Variants in LHFPL6 observed in about 807,000 individuals in gnomAD.
LHFPL6 encodes the protein LHFPL tetraspan subfamily member 6 protein.
A neutral mutation model predicts 20.6 loss-of-function variants in LHFPL6; 9 were observed. The ratio of observed to expected loss-of-function variants is 0.44; its 90% CI spans 0.26 to 0.76. LHFPL6 has a LOEUF of 0.76. Ranked by LOEUF, LHFPL6 falls within the 30% of genes least tolerant of loss-of-function variation. The probability of loss-of-function intolerance (pLI) is 0.20; values close to 1 mark genes in which losing one functional copy is unlikely to be tolerated. For missense variants in LHFPL6, 218 were observed against 253.5 expected (o/e 0.86, Z 0.95); for synonymous variants, 105 against 98.7 (o/e 1.06, Z -0.38).
At chr13:39,395,402 G>A (rs1327134135) in intron 2 of LHFPL6, among the ~76,000 whole-genome samples, 1 of 152,148 alleles carries the variant, frequency 6.6e-6, no homozygotes, top group Non-Finnish European at 1.5e-5. Context: ...GTTATCGTTA[G>A]GACTTTTCCC....
intron 2 of LHFPL6, among the ~76,000 whole-genome samples, chr13:39,579,767 G>A (rs1340366215): frequency 1.3e-5 from 2 of 152,134 alleles, no homozygotes; most frequent in African/African-American, 4.8e-5. Context: ...TCACTGGCAA[G>A]TTTCATTTTG....
chr13:39,560,000 C>G (rs59842965), intron 2 of LHFPL6, among the ~76,000 whole-genome samples: 2,624 of 152,262 alleles, frequency 0.017, 72 homozygotes, highest in African/African-American at 0.06. Flanking sequence ...ACAACTGGTG[C>G]AGCATGCCAC....
At chr13:39,448,170 C>T (rs1199347878) in intron 2 of LHFPL6, among the ~76,000 whole-genome samples, 1 of 152,152 alleles carries the variant, frequency 6.6e-6, no homozygotes, top group Non-Finnish European at 1.5e-5. Flanking sequence ...TTTTGGAAGC[C>T]TCACTTTTCA....
intron 2 of LHFPL6, among the ~76,000 whole-genome samples, chr13:39,381,743 A>T (rs996420765): frequency 2.0e-5 from 3 of 152,054 alleles, no homozygotes; most frequent in Non-Finnish European, 4.4e-5. Flanking sequence ...GTTAAAAAAA[A>T]TTCACAAATC....
Position 39,494,628 on chromosome 13 carries a change from C to A in LHFPL6, c.385+106204G>T, listed in dbSNP as rs1055581231. On this transcript the variant is annotated intron_variant, in intron 2 of 3. Transcript: ENST00000379589. ...GTTTCTAGCTAATGTGCAAAATTAT[C>A]CTAATCATGTCAAAGTAAAAGGAAA... 4.6e-5 allele frequency among the ~76,000 whole-genome samples: 7 copies of A among 152,270 alleles called. No individual in the cohort carries two copies. In the East Asian group the frequency reaches 1.4e-3, roughly 29 times the overall value.
At chr13:39,561,918 A>G (rs1871495344) in intron 2 of LHFPL6, among the ~76,000 whole-genome samples, 1 of 152,224 alleles carries the variant, frequency 6.6e-6, no homozygotes. Flanking sequence ...TAGATGAGAA[A>G]ACTGAAGCTA....
chr13:39,349,965 G>A (rs1290658090), intron 3 of LHFPL6, among the ~76,000 whole-genome samples: 1 of 152,194 alleles, frequency 6.6e-6, no homozygotes, highest in Admixed American at 6.5e-5. Context: ...TTCGGAGCTT[G>A]AAGCCTGAAA....
chr13:39,382,374 T>C (rs1271738367), intron 2 of LHFPL6, among the ~76,000 whole-genome samples: 1 of 152,144 alleles, frequency 6.6e-6, no homozygotes, highest in Non-Finnish European at 1.5e-5. Flanking sequence ...CTAGAGTAGG[T>C]TACATTACTT....
At chr13:39,536,032 C>A (rs1870607559) in intron 2 of LHFPL6, among the ~76,000 whole-genome samples, 2 of 152,186 alleles carry the variant, frequency 1.3e-5, no homozygotes, top group African/African-American at 4.8e-5. Context: ...ACACTAACCT[C>A]ACCCCATTCA....
At chr13:39,595,118 AAAATAAAT>A (rs773724604) in intron 2 of LHFPL6, among the ~76,000 whole-genome samples, 2 of 152,092 alleles carry the variant, frequency 1.3e-5, no homozygotes, top group Admixed American at 6.6e-5. Context: ...AAAGTATAAT[AAAATAAAT>A]AAATAAATAA....
At chr13:39,458,177 T>C (rs1168744173) in intron 2 of LHFPL6, among the ~76,000 whole-genome samples, 2 of 151,454 alleles carry the variant, frequency 1.3e-5, no homozygotes, top group Non-Finnish European at 2.9e-5. Flanking sequence ...GAGAAAAGGA[T>C]GGGAGGGGAA....
chr13:39,396,713 T>C (rs1870851707), intron 2 of LHFPL6, among the ~76,000 whole-genome samples: 1 of 152,128 alleles, frequency 6.6e-6, no homozygotes, highest in Non-Finnish European at 1.5e-5. Flanking sequence ...GGAGGATCAC[T>C]TGAGCCAGAT....
intron 2 of LHFPL6, among the ~76,000 whole-genome samples, chr13:39,400,782 CAAAAAAAAAA>C (rs34833321): frequency 5.6e-5 from 3 of 53,494 alleles, no homozygotes; most frequent in Non-Finnish European, 8.9e-5. Context: ...GACTCCGTCT[CAAAAAAAAAA>C]AAAAAAAAAA....
At chr13:39,376,827 T>C (rs951661962) in intron 3 of LHFPL6, among the ~76,000 whole-genome samples, 1 of 152,128 alleles carries the variant, frequency 6.6e-6, no homozygotes, top group Non-Finnish European at 1.5e-5. Flanking sequence ...ATCCATATAG[T>C]AGGGGAAAAT....
At chr13:39,593,758 C>A (rs1027916910) in intron 2 of LHFPL6, among the ~76,000 whole-genome samples, 2 of 150,762 alleles carry the variant, frequency 1.3e-5, no homozygotes, top group Admixed American at 6.6e-5. Flanking sequence ...GTACTGGTAC[C>A]AAAACAGAGA....
chr13:39,598,707 C>T, intron 2 of LHFPL6, among the ~76,000 whole-genome samples: 1 of 152,162 alleles, frequency 6.6e-6, no homozygotes, highest in East Asian at 1.9e-4. Context: ...AGGCGCCCAC[C>T]ACCACGCCTG....
At chr13:39,602,116 CA>C (rs1368047626) in intron 1 of LHFPL6, among the ~76,000 whole-genome samples, 9 of 152,160 alleles carry the variant, frequency 5.9e-5, no homozygotes, top group Admixed American at 5.9e-4. Flanking sequence ...CTAATTTGAA[CA>C]GCAATCCATA....
At chr13:39,537,781 C>T (rs9548801) in intron 2 of LHFPL6, among the ~76,000 whole-genome samples, 1 of 152,062 alleles carries the variant, frequency 6.6e-6, no homozygotes, top group East Asian at 1.9e-4. Context: ...CCCCATTCTG[C>T]TAAGCCGCTA....
chr13:39,559,701 T>C (rs1593362987), intron 2 of LHFPL6, among the ~76,000 whole-genome samples: 1 of 152,180 alleles, frequency 6.6e-6, no homozygotes, highest in African/African-American at 2.4e-5. Flanking sequence ...GTACGGATTA[T>C]ATTAAATGTG....
Sources: gnomAD v4.1 joint callset for allele counts (sites outside exome capture counted in the v4.1 genomes callset) on GRCh38, gnomAD v4.1.1 for gene constraint, MANE v1.5 for transcripts, NCBI Gene and HGNC (gene_info 2026-07-23, HGNC 2026-07-21) for gene names.